Variants in RAD23B observed in about 807,000 individuals in gnomAD.
RAD23B encodes the protein lysine-specific demethylase RAD23B.
Under a neutral mutation model 49.1 loss-of-function variants are expected in RAD23B, and 5 were observed. The ratio of observed to expected loss-of-function variants is 0.10; its 90% CI spans 0.05 to 0.21. RAD23B has a LOEUF of 0.21. Ranked by LOEUF, RAD23B falls within the 10% of genes least tolerant of loss-of-function variation. The pLI is 1.00. For missense variants in RAD23B, 356 were observed against 486.7 expected, an observed-to-expected ratio of 0.73 and a Z score of 2.53; for synonymous variants, 184 against 165.4, an observed-to-expected ratio of 1.11 and a Z score of -0.86.
chr9:107,320,870 A>G (rs1827096219), intron 6 of RAD23B, among the ~76,000 whole-genome samples: 1 of 152,206 alleles, frequency 6.6e-6, no homozygotes, highest in Admixed American at 6.5e-5. Context: ...CATCTAATCC[A>G]TGCAGCCATT....
intron 6 of RAD23B, among the ~76,000 whole-genome samples, chr9:107,319,605 A>G (rs143336159): frequency 1.3e-5 from 2 of 152,186 alleles, no homozygotes; most frequent in African/African-American, 4.8e-5. Flanking sequence ...AATATTTTAG[A>G]TCGTGGAATC....
In RAD23B at chr9:107,331,698, A is replaced by G; in HGVS notation, c.*2042A>G. The G allele has an allele frequency of 2.6e-6, 2 of 779,118 alleles. No homozygotes were observed. Among genetic ancestry groups the G allele is most frequent in the South Asian group, 1.3e-5 (1 of 74,472 alleles). The allele number at this position is 779,118 out of a possible 1,614,324, so 48.3% of individuals were successfully genotyped here. ...TAGTGAAAACTGGAAACAAAAAAAA[A>G]AAACAGCCTCTTCTTGGAAAGTGAC... On this transcript the variant is annotated 3_prime_UTR_variant, in exon 10 of 10. Coordinates refer to ENST00000358015, the MANE Select transcript of RAD23B (RefSeq NM_002874.5).
rs923542325 is a variant in RAD23B at position 107,331,163 on chromosome 9, A to G, written c.*1507A>G. On this transcript the variant is annotated 3_prime_UTR_variant, in exon 10 of 10. Transcript: ENST00000358015. ...ATATCTTTAGCACAGTATGGTGATG[A>G]TGACTTTTAAGCATTTACATCACGT... is the stretch of plus-strand genomic sequence containing the variant. The G allele has an allele frequency of 6.6e-6, 1 of 152,548 alleles. No individual in the cohort carries two copies. The highest frequency in any genetic ancestry group is 2.4e-5 in the African/African-American group (1 of 41,418). 9.4% of individuals were successfully genotyped at this position (152,548 alleles called of 1,614,324 possible).
At position 107,306,651 on chromosome 9, in the gene RAD23B, G is replaced by C; in HGVS notation, c.497+4G>C. The stretch of plus-strand genomic sequence containing the variant: ...CTAGCCCAACAGCAACTGACAGGTA[G>C]GAACTGGATTCTAGGACATTCTATC... On this transcript the variant is annotated splice_donor_region_variant and intron_variant, in intron 4 of 9. Transcript: ENST00000358015. 2 of 1,609,518 alleles carry C rather than the reference G, an allele frequency of 1.2e-6. No homozygotes were observed. The highest frequency in any genetic ancestry group is 1.7e-6 in the Non-Finnish European group (2 of 1,177,290).
chr9:107,312,142 A>G (rs1013453912), intron 5 of RAD23B, among the ~76,000 whole-genome samples: 2 of 152,216 alleles, frequency 1.3e-5, no homozygotes, highest in African/African-American at 4.8e-5. Flanking sequence ...ATACATTCCC[A>G]TCTACATCTT....
At chr9:107,316,700 A>G (rs1415272881) in intron 5 of RAD23B, among the ~76,000 whole-genome samples, 1 of 152,152 alleles carries the variant, frequency 6.6e-6, no homozygotes, top group African/African-American at 2.4e-5. Flanking sequence ...AATTCTGCAG[A>G]AAAAAATTAT....
At chr9:107,316,528 C>T (rs991840557) in intron 5 of RAD23B, among the ~76,000 whole-genome samples, 1 of 151,972 alleles carries the variant, frequency 6.6e-6, no homozygotes, top group Admixed American at 6.6e-5. Context: ...ACTTGAGTTG[C>T]TTTGTGCTCG....
chr9:107,314,322 A>G (rs1198683690), intron 5 of RAD23B, among the ~76,000 whole-genome samples: 1 of 152,204 alleles, frequency 6.6e-6, no homozygotes, highest in Admixed American at 6.5e-5. Flanking sequence ...TGTACCAAAC[A>G]GGAAGTTTTT....
chr9:107,308,231 T>A (rs1826820512), intron 4 of RAD23B, among the ~76,000 whole-genome samples: 1 of 151,758 alleles, frequency 6.6e-6, no homozygotes, highest in Non-Finnish European at 1.5e-5. Context: ...TTTTTTTTTT[T>A]TTTTGGAGAC....
intron 4 of RAD23B, among the ~76,000 whole-genome samples, chr9:107,307,918 G>A (rs1325939310): frequency 6.6e-6 from 1 of 152,102 alleles, no homozygotes; most frequent in Non-Finnish European, 1.5e-5. Context: ...AACTAGAAAT[G>A]CATTCAACCA....
intron 6 of RAD23B, 78 bp from the exon 7 acceptor site, chr9:107,321,905 A>G: frequency 7.5e-7 from 1 of 1,325,558 alleles, no homozygotes; most frequent in Non-Finnish European, 9.9e-7. Context: ...GATGTTAAAT[A>G]GACTATAAAT....
chr9:107,310,774 T>C (rs1025478580), intron 4 of RAD23B, among the ~76,000 whole-genome samples: 5 of 152,208 alleles, frequency 3.3e-5, no homozygotes, highest in Admixed American at 2.6e-4. Context: ...AGTGTAGCCC[T>C]ACCCACAACA....
intron 1 of RAD23B, among the ~76,000 whole-genome samples, 161 bp downstream of exon 1, chr9:107,283,856 T>G (rs1458974374): frequency 1.3e-5 from 2 of 152,132 alleles, no homozygotes; most frequent in Non-Finnish European, 2.9e-5. Flanking sequence ...GCGGAGCCGA[T>G]CCTCCTGTCT....
In RAD23B at chr9:107,283,711, GGGGGCAGGGGCAGCCGCGTGCGGGCCGC is replaced by G; in HGVS notation, c.66+21_66+48del. On this transcript the variant is annotated intron_variant, in intron 1 of 9. Coordinates refer to ENST00000358015, the MANE Select transcript of RAD23B (RefSeq NM_002874.5). ...CGAGGAGACGGTATGCGCGCGGGCC[GGGGGCAGGGGCAGCCGCGTGCGGGCCGC>G]GGGGAGCGCCAGGAGCTCGTGGGGC... 6.9e-7 allele frequency: 1 copy of G among 1,448,202 alleles called. No homozygotes were observed. The highest frequency in any genetic ancestry group is 9.1e-7 in the Non-Finnish European group (1 of 1,094,104). 89.7% of individuals were successfully genotyped at this position (1,448,202 alleles called of 1,614,324 possible).
Position 107,319,481 on chromosome 9 carries a change from T to C in RAD23B, c.681+602T>C, listed in dbSNP as rs11573696. Among the ~76,000 whole-genome samples the C allele has an allele frequency of 4.4e-3, 667 of 152,272 alleles. 8 individuals carry two copies. Among genetic ancestry groups the C allele is most frequent in the African/African-American group, 0.015 (623 of 41,544 alleles). The stretch of plus-strand genomic sequence containing the variant: ...CAAATTCTTTTGCTTATACTGTGTA[T>C]ATTTCTGTAATAAGTTGCCAGCTTT... On this transcript the variant is annotated intron_variant, in intron 6 of 9. Coordinates refer to ENST00000358015, the MANE Select transcript of RAD23B (RefSeq NM_002874.5).
At chr9:107,322,155 CT>C in intron 7 of RAD23B, 37 bp downstream of exon 7, 1 of 1,539,728 alleles carries the variant, frequency 6.5e-7, no homozygotes, top group South Asian at 1.2e-5. Flanking sequence ...GGGAATGGCC[CT>C]GAATTTTTAG....
rs150317045 is a variant in RAD23B, at chr9:107,324,008, A to G, written c.936A>G (p.Gln312=). ...AGCAGATAGGTCGAGAGAATCCTCA[A>G]TTACTTCAGGTGACTAATCAGTGTC... ...LLQQIGRENP[Q]LLQQISQHQE... Residue 312 remains glutamine (Q), a synonymous_variant, in exon 8 of 10, where the codon CAA becomes CAG. Transcript: ENST00000358015. 765 of 1,613,470 alleles carry G rather than the reference A, an allele frequency of 4.7e-4. No individual in the cohort carries two copies. The highest frequency in any genetic ancestry group is 8.8e-4 in the Admixed American group (53 of 60,002).
chr9:107,321,588 A>G (rs950035952), intron 6 of RAD23B, among the ~76,000 whole-genome samples: 3 of 152,222 alleles, frequency 2.0e-5, no homozygotes, highest in African/African-American at 4.8e-5. Context: ...TAAAAAGTCA[A>G]CTGAACTAAT....
chr9:107,331,423 A>G lies in RAD23B; in HGVS notation c.*1767A>G. ...GAGGCTGAGGCATGAGAATTGCTTG[A>G]ACCCGGGAAGTGAAGGTTGCCGTGA... On this transcript the variant is annotated 3_prime_UTR_variant, in exon 10 of 10. Transcript: ENST00000358015. The G allele has an allele frequency of 2.6e-6, 1 of 385,882 alleles. No homozygotes were observed. Among genetic ancestry groups the G allele is most frequent in the Non-Finnish European group, 4.6e-6 (1 of 216,172 alleles). The allele number at this position is 385,882 out of a possible 1,614,324, so 23.9% of individuals were successfully genotyped here.
Sources: gnomAD v4.1 joint callset for allele counts (sites outside exome capture counted in the v4.1 genomes callset) on GRCh38, gnomAD v4.1.1 for gene constraint, MANE v1.5 for transcripts, NCBI Gene and HGNC (gene_info 2026-07-23, HGNC 2026-07-21) for gene names.